BCAS3: variants seen among roughly 807,000 people sequenced by gnomAD.
BCAS3 encodes BCAS4/BCAS3 fusion.
A neutral mutation model predicts 116.1 loss-of-function variants in BCAS3; 53 were observed. The ratio of observed to expected loss-of-function variants is 0.46; its 90% CI spans 0.37 to 0.57. The LOEUF is 0.57. BCAS3 is among the 20% of genes least tolerant of loss of function. BCAS3 has a pLI of 0.00. For synonymous variants in BCAS3, 391 were observed against 408.2 expected, an observed-to-expected ratio of 0.96 and a Z score of 0.51; for missense variants, 917 against 1,165.4, an observed-to-expected ratio of 0.79 and a Z score of 3.10.
At chr17:60,911,517 C>T (rs1292969716) in intron 12 of BCAS3, among the ~76,000 whole-genome samples, 4 of 152,062 alleles carry the variant, frequency 2.6e-5, no homozygotes, top group Non-Finnish European at 4.4e-5. Flanking sequence ...AGGCTGGTCT[C>T]GGACTCCTGA....
chr17:60,855,705 G>A (rs1479922472), intron 7 of BCAS3, among the ~76,000 whole-genome samples: 1 of 151,594 alleles, frequency 6.6e-6, no homozygotes, highest in Non-Finnish European at 1.5e-5. Context: ...TTTCCTTTGA[G>A]ACAGGGTCTC....
At chr17:61,296,330 C>T (rs1568781658) in intron 22 of BCAS3, among the ~76,000 whole-genome samples, 2 of 152,100 alleles carry the variant, frequency 1.3e-5, no homozygotes, top group Non-Finnish European at 2.9e-5. Flanking sequence ...GCAACTAGCA[C>T]GATCACTATG....
intron 6 of BCAS3, among the ~76,000 whole-genome samples, chr17:60,757,328 T>TAATA (rs1304670427): frequency 0.041 from 783 of 19,054 alleles, 7 homozygotes; most frequent in South Asian, 0.091. Flanking sequence ...AAAATAATAA[T>TAATA]AATAAATAAA....
At chr17:60,865,602 G>A (rs1458789339) in intron 7 of BCAS3, among the ~76,000 whole-genome samples, 1 of 152,126 alleles carries the variant, frequency 6.6e-6, no homozygotes, top group African/African-American at 2.4e-5. Context: ...TGTGTATGTA[G>A]ACCATGAATT....
intron 22 of BCAS3, among the ~76,000 whole-genome samples, chr17:61,247,943 G>C (rs2048101671): frequency 6.6e-6 from 1 of 152,146 alleles, no homozygotes; most frequent in African/African-American, 2.4e-5. Context: ...CCGCACTTGT[G>C]GTTACAACTT....
In BCAS3 at chr17:61,037,912, G is replaced by T; in HGVS notation, c.1786G>T (p.Glu596Ter). 6.2e-7 allele frequency: 1 copy of T among 1,613,954 alleles called. No homozygotes were observed. The highest frequency in any genetic ancestry group is 8.5e-7 in the Non-Finnish European group (1 of 1,179,952). Residue 596 changes from glutamate (E) to a stop codon, truncating the protein, a stop_gained, in exon 18 of 24, where the codon GAG (glutamate) becomes TAG (stop). Coordinates refer to ENST00000407086, the MANE Select transcript of BCAS3 (RefSeq NM_017679.5). LOFTEE classifies it high-confidence loss of function. This position sits in a 1 kb window ranked among gnomAD's most constrained non-coding sequence, Gnocchi z 4.7. Reference protein sequence around the residue: ...EKDQSKQVVVESLYIISCYGT... With the variant: ...EKDQSKQVVV ...AGATCAGTCCAAACAAGTTGTAGTT[G>T]AGTCCCTGTACATTATCAGTTGCTA...
At chr17:61,072,222 T>A (rs2071500950) in intron 19 of BCAS3, among the ~76,000 whole-genome samples, 1 of 152,170 alleles carries the variant, frequency 6.6e-6, no homozygotes, top group Non-Finnish European at 1.5e-5. Context: ...CCCTTCTCAC[T>A]GTGGAAAATT....
chr17:61,085,531 G>T (rs2073019931), intron 22 of BCAS3, among the ~76,000 whole-genome samples: 1 of 152,200 alleles, frequency 6.6e-6, no homozygotes. Flanking sequence ...AAGTTTCAAA[G>T]CTAATGGGTT....
At chr17:61,360,071 G>A (rs141079846) in intron 22 of BCAS3, among the ~76,000 whole-genome samples, 3,814 of 150,538 alleles carry the variant, frequency 0.025, 63 homozygotes, top group Middle Eastern at 0.085. Context: ...CAGTGGCGCA[G>A]CCTCGGCTCA....
intron 22 of BCAS3, among the ~76,000 whole-genome samples, chr17:61,129,898 T>A (rs1568416224): frequency 6.6e-6 from 1 of 152,262 alleles, no homozygotes; most frequent in East Asian, 1.9e-4. Flanking sequence ...TCATTATTTC[T>A]GTCTTAATTA....
chr17:60,992,974 C>G (rs1033554018), intron 15 of BCAS3, among the ~76,000 whole-genome samples: 1 of 152,096 alleles, frequency 6.6e-6, no homozygotes, highest in Admixed American at 6.6e-5. Flanking sequence ...TAAGAGAAAC[C>G]ACAGATGTAT....
intron 6 of BCAS3, among the ~76,000 whole-genome samples, chr17:60,759,328 C>T (rs891585755): frequency 5.3e-5 from 8 of 152,192 alleles, no homozygotes; most frequent in East Asian, 1.9e-4. Context: ...AAAGAAAATT[C>T]GCAGAGTGTA....
intron 22 of BCAS3, among the ~76,000 whole-genome samples, chr17:61,267,855 C>G (rs145227236): frequency 6.6e-5 from 10 of 152,166 alleles, no homozygotes; most frequent in African/African-American, 2.4e-4. Flanking sequence ...GGGGAAGACT[C>G]TGCCCTCCTT....
Position 61,233,931 on chromosome 17 carries a change from T to C in BCAS3, c.2426-134396T>C, listed in dbSNP as rs956384844. Among the ~76,000 whole-genome samples, 5 of 152,064 alleles carry C rather than the reference T, an allele frequency of 3.3e-5. No homozygotes were observed. The highest frequency in any genetic ancestry group is 1.2e-4 in the African/African-American group (5 of 41,404). On this transcript the variant is annotated intron_variant, in intron 22 of 23. Transcript: ENST00000407086. The surrounding 1 kb of genome is among the most constrained non-coding windows in gnomAD (Gnocchi z 4.3). ...GAGGTCTTCCAGCTGTGGCATTCCATCCATTATTCTAATTAATGTGAATTG... is the reference window on the plus strand; with the variant it reads ...GAGGTCTTCCAGCTGTGGCATTCCACCCATTATTCTAATTAATGTGAATTG...
Position 61,200,184 on chromosome 17 carries a change from C to T in BCAS3, c.2425+115620C>T, listed in dbSNP as rs920252337. Among the ~76,000 whole-genome samples the T allele has an allele frequency of 6.6e-6, 1 of 152,194 alleles. No individual in the cohort carries two copies. Among genetic ancestry groups the T allele is most frequent in the Non-Finnish European group, 1.5e-5 (1 of 68,040 alleles). On this transcript the variant is annotated intron_variant, in intron 22 of 23. Transcript: ENST00000407086. This position sits in a 1 kb window ranked among gnomAD's most constrained non-coding sequence, Gnocchi z 5.1. The stretch of plus-strand genomic sequence containing the variant: ...CAAAACAAAACCAACTTAGAACTTA[C>T]TGTTGACTTAGTGATAAAGTTTTTA...
At chr17:61,273,088 A>T (rs1210646929) in intron 22 of BCAS3, among the ~76,000 whole-genome samples, 1 of 151,776 alleles carries the variant, frequency 6.6e-6, no homozygotes, top group African/African-American at 2.4e-5. Flanking sequence ...TTGTCTAAAA[A>T]TGTCTGTTTT....
chr17:61,045,905 ATATATATT>A (rs1195722233), intron 19 of BCAS3, among the ~76,000 whole-genome samples: 1 of 31,192 alleles, frequency 3.2e-5, no homozygotes, highest in Admixed American at 6.5e-4. Flanking sequence ...ATATATATAA[ATATATATT>A]TATATATATA....
rs527597465 is a variant in BCAS3, at chr17:61,219,587, TATTTCAGC to T, written c.2425+135024_2425+135031del. ...GATAGCATCTCAGCGATCACTGTGCTATTTCAGCTTTCTGCTGCTGACAACATCAGAAG... is the reference window on the plus strand; with the variant it reads ...GATAGCATCTCAGCGATCACTGTGCTTTTCTGCTGCTGACAACATCAGAAG... On this transcript the variant is annotated intron_variant, in intron 22 of 23. Transcript: ENST00000407086. This position sits in a 1 kb window ranked among gnomAD's most constrained non-coding sequence, Gnocchi z 5.2. 3.6e-3 allele frequency among the ~76,000 whole-genome samples: 549 copies of T among 152,364 alleles called. 1 individual carries two copies. Among genetic ancestry groups the T allele is most frequent in the Non-Finnish European group, 6.2e-3 (424 of 68,034 alleles).
At position 60,810,798 on chromosome 17, in the gene BCAS3, C is replaced by G. The variant is rs778083619; in HGVS notation, c.476+2722C>G. 4 of 669,320 alleles carry G rather than the reference C, an allele frequency of 6.0e-6. No homozygotes were observed. In the African/African-American group the frequency reaches 7.1e-5, roughly 12 times the overall value. The allele number at this position is 669,320 out of a possible 1,614,324, so 41.5% of individuals were successfully genotyped here. ...TCAAGGCTCTCAAGGAGGAGCTGCT[C>G]TTCCTGAAGAAAAACCTCGAAGAGG... On this transcript the variant is annotated intron_variant, in intron 7 of 23. Coordinates refer to ENST00000407086, the MANE Select transcript of BCAS3 (RefSeq NM_017679.5).
Sources: allele counts gnomAD v4.1 joint callset (sites outside exome capture counted in the v4.1 genomes callset), GRCh38; gene constraint gnomAD v4.1.1; non-coding constraint Gnocchi (gnomAD v3.1); transcripts MANE v1.5; gene names NCBI Gene and HGNC (gene_info 2026-07-23, HGNC 2026-07-21).